KIAA0513: variants seen among roughly 807,000 people sequenced by gnomAD.
KIAA0513 encodes the protein KIAA0513, also known as uncharacterized protein KIAA0513.
A neutral mutation model predicts 56.5 loss-of-function variants in KIAA0513; 39 were observed. That is an observed-to-expected ratio of 0.69 (90% CI 0.53 to 0.90). The LOEUF (loss-of-function observed/expected upper bound fraction) is 0.90. Among genes scored for constraint, KIAA0513 ranks in the 40% least tolerant of loss-of-function variants. The pLI, the probability that KIAA0513 is intolerant of heterozygous loss-of-function variation, is 0.00. For synonymous variants in KIAA0513, 268 were observed against 215.6 expected, an observed-to-expected ratio of 1.24 and a Z score of -2.13; for missense variants, 591 against 535.2, an observed-to-expected ratio of 1.10 and a Z score of -1.03.
intron 1 of KIAA0513, among the ~76,000 whole-genome samples, chr16:85,049,913 A>G (rs1009338032): frequency 6.6e-6 from 1 of 152,172 alleles, no homozygotes; most frequent in South Asian, 2.1e-4. Flanking sequence ...GGTTGGGGCA[A>G]TATTCATTTA....
chr16:85,044,784 G>A (rs1189174673), intron 1 of KIAA0513, among the ~76,000 whole-genome samples: 1 of 151,944 alleles, frequency 6.6e-6, no homozygotes, highest in African/African-American at 2.4e-5. Context: ...GGGATTACAG[G>A]CATGAGCCAC....
rs758452312 is a variant in KIAA0513, at chr16:85,073,046, C to T, written c.503+48C>T. On this transcript the variant is annotated intron_variant, in intron 4 of 12. Coordinates refer to ENST00000683363, the MANE Select transcript of KIAA0513 (RefSeq NM_001388359.1). Reference sequence around the variant, plus strand: ...GCCTTTGTCCTGGCAAGCTCCTCTTCCCTCCCTGCCTCCCTCCCCACCCAG... The same window carrying T: ...GCCTTTGTCCTGGCAAGCTCCTCTTTCCTCCCTGCCTCCCTCCCCACCCAG... The T allele has an allele frequency of 4.8e-6, 7 of 1,470,030 alleles. No homozygotes were observed. In the East Asian group the frequency reaches 1.6e-4, roughly 33 times the overall value. The allele number at this position is 1,470,030 out of a possible 1,614,324, so 91.1% of individuals were successfully genotyped here. A position where few individuals can be genotyped will look rare whatever the true frequency, so the allele number is the denominator to read the frequency against.
In KIAA0513 at chr16:85,050,325, ATATTTATT is replaced by A. The variant is rs72102302; in HGVS notation, c.-172-16545_-172-16538del. Among the ~76,000 whole-genome samples the A allele has an allele frequency of 3.0e-3, 369 of 122,904 alleles. 5 individuals carry two copies. Among genetic ancestry groups the A allele is most frequent in the African/African-American group, 0.011 (298 of 26,424 alleles). The allele number at this position is 122,904 out of a possible 152,430, so 80.6% of individuals were successfully genotyped here. The stretch of plus-strand genomic sequence containing the variant: ...CCTACTCTGGAGGAGCTGTTGATTG[ATATTTATT>A]TATTTATTTATTTATTTATTTATTT... On this transcript the variant is annotated intron_variant, in intron 1 of 12. Transcript: ENST00000683363.
Position 85,050,605 on chromosome 16 carries a change from C to T in KIAA0513, c.-172-16295C>T, listed in dbSNP as rs189945660. Among the ~76,000 whole-genome samples, 151 of 152,268 alleles carry T rather than the reference C, an allele frequency of 9.9e-4. No homozygotes were observed. In the East Asian group the frequency reaches 0.017, roughly 17 times the overall value. ...TGCTAGGATTACAGGCGTGAGCCGC[C>T]GTGCCCAGCCGAGCTGTTGATTTAT... On this transcript the variant is annotated intron_variant, in intron 1 of 12. Coordinates refer to ENST00000683363, the MANE Select transcript of KIAA0513 (RefSeq NM_001388359.1).
At chr16:85,044,794 C>T (rs1215339048) in intron 1 of KIAA0513, among the ~76,000 whole-genome samples, 1 of 152,010 alleles carries the variant, frequency 6.6e-6, no homozygotes, top group South Asian at 2.1e-4. Flanking sequence ...GCATGAGCCA[C>T]TGTGCCCAGG....
intron 7 of KIAA0513, 100 bp downstream of exon 7, chr16:85,078,555 A>T: frequency 8.7e-7 from 1 of 1,150,572 alleles, no homozygotes; most frequent in Non-Finnish European, 1.3e-6. Context: ...GCCTCCACGG[A>T]GCATGGGCAC....
intron 10 of KIAA0513, among the ~76,000 whole-genome samples, chr16:85,083,780 G>A (rs763262313): frequency 6.6e-6 from 1 of 152,204 alleles, no homozygotes; most frequent in African/African-American, 2.4e-5. Context: ...ATATTGCTTT[G>A]AGATTGAGGC....
chr16:85,072,931 A>G lies in KIAA0513; in HGVS notation c.436A>G (p.Asn146Asp). Residue 146 changes from asparagine (N) to aspartate (D), a missense_variant, in exon 4 of 13, where the codon AAC becomes GAC. Coordinates refer to ENST00000683363, the MANE Select transcript of KIAA0513 (RefSeq NM_001388359.1). ...TCTGCCTCTTTCTGGACAGCGCTGC[A>G]ACTCCAAGTGTGTCTCAGAGGCAAC... ...FARYVSAQRC[N>D]SKCVSEATFY... 3 of 1,614,152 alleles carry G rather than the reference A, an allele frequency of 1.9e-6. No homozygotes were observed. The highest frequency in any genetic ancestry group is 2.5e-6 in the Non-Finnish European group (3 of 1,179,990).
intron 1 of KIAA0513, among the ~76,000 whole-genome samples, chr16:85,046,539 A>G (rs1017433944): frequency 1.3e-5 from 2 of 152,222 alleles, no homozygotes; most frequent in Non-Finnish European, 2.9e-5. Flanking sequence ...CTCACAAGAA[A>G]GAATCCCTTC....
rs1414486532 is a variant in KIAA0513 at position 85,067,286 on chromosome 16, C to T, written c.215C>T (p.Ser72Phe). 3 of 1,613,836 alleles carry T rather than the reference C, an allele frequency of 1.9e-6. No individual in the cohort carries two copies. Among genetic ancestry groups the T allele is most frequent in the Non-Finnish European group, 2.5e-6 (3 of 1,180,028 alleles). ...CCGTCCTGGGACCAAGACCGCCGTT[C>T]CTCCTCCAACGAGTCCTTCTCCTCC... ...SHPSWDQDRR[S>F]SSNESFSSNQ... Residue 72 changes from serine to phenylalanine, a missense_variant, in exon 2 of 13, where the codon TCC (serine) becomes TTC (phenylalanine). Transcript: ENST00000683363.
In KIAA0513 at chr16:85,067,400, G is replaced by A. The variant is rs1254581048; in HGVS notation, c.329G>A (p.Gly110Glu). Reference protein sequence around the residue: ...RGYVEKIFSGGEDLDQEEKAK... With the variant: ...RGYVEKIFSGEEDLDQEEKAK... ...TACGTGGAGAAGATCTTCTCTGGAG[G>A]GTAAGGGGCCTGTGTGGACGAGACA... Residue 110 changes from glycine (G) to glutamate (E), a missense_variant and splice_region_variant, in exon 2 of 13, where the codon GGG becomes GAG. Coordinates refer to ENST00000683363, the MANE Select transcript of KIAA0513 (RefSeq NM_001388359.1). The A allele has an allele frequency of 3.1e-6, 5 of 1,596,388 alleles. No homozygotes were observed. The highest frequency in any genetic ancestry group is 2.2e-5 in the East Asian group (1 of 44,856).
chr16:85,041,767 C>T (rs981883857), intron 1 of KIAA0513, among the ~76,000 whole-genome samples: 1 of 152,122 alleles, frequency 6.6e-6, no homozygotes, highest in Non-Finnish European at 1.5e-5. Flanking sequence ...CCCTGGGTTC[C>T]CCTGTTTCTC....
intron 1 of KIAA0513, among the ~76,000 whole-genome samples, chr16:85,064,142 A>G (rs28396958): frequency 0.082 from 12,430 of 150,982 alleles, 1,641 homozygotes; most frequent in African/African-American, 0.28. Flanking sequence ...AGTGTTTAGG[A>G]TTACAGGCGT....
intron 1 of KIAA0513, among the ~76,000 whole-genome samples, chr16:85,037,176 G>C (rs1336128201): frequency 1.3e-5 from 2 of 152,064 alleles, no homozygotes; most frequent in Non-Finnish European, 2.9e-5. Context: ...TCTCTGCCAG[G>C]TGTGTTTGGA....
At chr16:85,070,246 T>C (rs1204269067) in intron 2 of KIAA0513, among the ~76,000 whole-genome samples, 1 of 151,898 alleles carries the variant, frequency 6.6e-6, no homozygotes, top group African/African-American at 2.4e-5. Flanking sequence ...GTGATTTGAG[T>C]CCCGCATGTG....
chr16:85,046,841 T>A (rs578234155), intron 1 of KIAA0513, among the ~76,000 whole-genome samples: 38 of 152,342 alleles, frequency 2.5e-4, no homozygotes, highest in African/African-American at 8.9e-4. Context: ...TCCCTTTATG[T>A]TAAGAATACC....
intron 1 of KIAA0513, among the ~76,000 whole-genome samples, chr16:85,043,530 G>C (rs1316751638): frequency 6.8e-6 from 1 of 148,116 alleles, no homozygotes; most frequent in Non-Finnish European, 1.5e-5. Flanking sequence ...TCATGCCACA[G>C]CCTCTTGAGT....
At chr16:85,038,552 C>T (rs115814072) in intron 1 of KIAA0513, among the ~76,000 whole-genome samples, 128 of 151,796 alleles carry the variant, frequency 8.4e-4, no homozygotes, top group African/African-American at 3.0e-3. Context: ...ACTAAAAAGA[C>T]AAAAAGATAG....
chr16:85,054,212 G>A (rs1321649621), intron 1 of KIAA0513, among the ~76,000 whole-genome samples: 1 of 151,940 alleles, frequency 6.6e-6, no homozygotes, highest in African/African-American at 2.4e-5. Context: ...TTATCACTTA[G>A]AATTTTTGTT....
Sources: allele counts gnomAD v4.1 joint callset (sites outside exome capture counted in the v4.1 genomes callset), GRCh38; gene constraint gnomAD v4.1.1; transcripts MANE v1.5; gene names NCBI Gene and HGNC (gene_info 2026-07-23, HGNC 2026-07-21).